AGMO: variants seen among roughly 807,000 people sequenced by gnomAD.
The protein encoded by AGMO is alkylglycerol monooxygenase.
In AGMO, 75 loss-of-function variants were observed where a neutral mutation model predicts 60.2. The ratio of observed to expected loss-of-function variants is 1.25; its 90% CI spans 1.03 to 1.51. The LOEUF (loss-of-function observed/expected upper bound fraction) is 1.51. Among genes scored for constraint, AGMO ranks in the 40% most tolerant of loss-of-function variants. AGMO has a pLI of 0.00. For synonymous variants in AGMO, 261 were observed against 177.1 expected (o/e 1.47, Z -3.76); for missense variants, 763 against 525.5 (o/e 1.45, Z -4.42).
At chr7:15,183,489 AACCGCATCCTC>A in the AGMO span, among the ~76,000 whole-genome samples, 1 of 152,228 alleles carries the variant, frequency 6.6e-6, no homozygotes, top group African/African-American at 2.4e-5. Flanking sequence ...CAATATTATC[AACCGCATCCTC>A]ACTTAAACAG....
intron 3 of AGMO, among the ~76,000 whole-genome samples, chr7:15,541,845 AC>A (rs1218883174): frequency 6.6e-6 from 1 of 152,172 alleles, no homozygotes; most frequent in Non-Finnish European, 1.5e-5. Flanking sequence ...TTTCTTCAAA[AC>A]TCACAGCATT....
intron 2 of AGMO, among the ~76,000 whole-genome samples, chr7:15,547,269 T>A (rs933123364): frequency 5.9e-5 from 9 of 152,260 alleles, no homozygotes; most frequent in Non-Finnish European, 1.0e-4. Flanking sequence ...GTTGATAACC[T>A]CTGCCTTGAA....
chr7:15,262,277 CAA>C lies in AGMO; in HGVS notation c.1264-60920_1264-60919del, dbSNP rs1254189858. On this transcript the variant is annotated intron_variant, in intron 12 of 12. Transcript: ENST00000342526. ...TCCTAGAACTGGTAACTGAATTCAG[CAA>C]AGTTTCAGGAAACAAAATTAATGTA... Among the ~76,000 whole-genome samples the C allele has an allele frequency of 4.6e-5, 7 of 152,110 alleles. 1 individual carries two copies. The South Asian group carries it at 1.0e-3, about 23-fold the overall frequency.
chr7:15,294,750 T>C (rs1784365302), intron 12 of AGMO, among the ~76,000 whole-genome samples: 1 of 151,942 alleles, frequency 6.6e-6, no homozygotes. Flanking sequence ...TAAAATATTC[T>C]AAAGTGTATC....
the AGMO span, among the ~76,000 whole-genome samples, chr7:15,156,210 G>C: frequency 1.3e-5 from 2 of 152,200 alleles, no homozygotes; most frequent in East Asian, 3.9e-4. Flanking sequence ...GGCTGTTGGT[G>C]AGTATGCACT....
intron 12 of AGMO, among the ~76,000 whole-genome samples, chr7:15,315,547 A>T (rs1452372397): frequency 6.6e-6 from 1 of 152,008 alleles, no homozygotes; most frequent in African/African-American, 2.4e-5. Flanking sequence ...CATGTTGGTC[A>T]GGATGGTCTC....
chr7:15,147,590 A>T, the AGMO span, among the ~76,000 whole-genome samples: 4 of 152,052 alleles, frequency 2.6e-5, no homozygotes, highest in Non-Finnish European at 5.9e-5. Context: ...ACACAGCCAA[A>T]CCATACCATA....
the AGMO span, among the ~76,000 whole-genome samples, chr7:15,171,570 G>A: frequency 6.6e-6 from 1 of 152,106 alleles, no homozygotes; most frequent in Non-Finnish European, 1.5e-5. Flanking sequence ...CTGCATGGGG[G>A]AATTTTCTAC....
At chr7:15,183,711 T>G in the AGMO span, among the ~76,000 whole-genome samples, 6 of 152,340 alleles carry the variant, frequency 3.9e-5, no homozygotes, top group African/African-American at 1.4e-4. Context: ...ATTCAATGAG[T>G]TAAGACACAT....
At chr7:15,333,682 GACAAA>G (rs1781567311) in intron 12 of AGMO, among the ~76,000 whole-genome samples, 2 of 150,960 alleles carry the variant, frequency 1.3e-5, no homozygotes, top group South Asian at 2.1e-4. Flanking sequence ...TAAATAACAT[GACAAA>G]ACAAAACCAC....
chr7:15,357,586 A>C (rs1360175082), intron 12 of AGMO, among the ~76,000 whole-genome samples: 1 of 152,216 alleles, frequency 6.6e-6, no homozygotes, highest in African/African-American at 2.4e-5. Context: ...AGAAATATAT[A>C]GAGTCTCTGA....
intron 3 of AGMO, among the ~76,000 whole-genome samples, chr7:15,466,161 G>C (rs1782279752): frequency 6.6e-6 from 1 of 152,174 alleles, no homozygotes. Flanking sequence ...AGTGATGGCA[G>C]TGATAATAGT....
intron 3 of AGMO, among the ~76,000 whole-genome samples, chr7:15,463,618 C>G (rs1232686398): frequency 6.6e-6 from 1 of 152,114 alleles, no homozygotes; most frequent in Non-Finnish European, 1.5e-5. Flanking sequence ...ATAGGGTCCC[C>G]TTCCTCAAGA....
At chr7:15,351,176 C>T (rs1015415414) in intron 12 of AGMO, among the ~76,000 whole-genome samples, 3 of 151,998 alleles carry the variant, frequency 2.0e-5, no homozygotes, top group Non-Finnish European at 4.4e-5. Flanking sequence ...CTAAACAATT[C>T]ATGGGCAAAT....
At chr7:15,457,749 A>G (rs1782035030) in intron 3 of AGMO, among the ~76,000 whole-genome samples, 2 of 152,174 alleles carry the variant, frequency 1.3e-5, no homozygotes, top group Non-Finnish European at 2.9e-5. Flanking sequence ...CTGGCATGAA[A>G]GCTAAATTTT....
At chr7:15,264,355 A>G (rs1006454950) in intron 12 of AGMO, among the ~76,000 whole-genome samples, 2 of 152,032 alleles carry the variant, frequency 1.3e-5, no homozygotes, top group African/African-American at 4.8e-5. Flanking sequence ...TATCTGCAAT[A>G]AAACCAAAGT....
intron 3 of AGMO, among the ~76,000 whole-genome samples, chr7:15,501,474 T>C (rs1783384049): frequency 6.6e-6 from 1 of 151,904 alleles, no homozygotes; most frequent in South Asian, 2.1e-4. Flanking sequence ...TATTTGGAAA[T>C]TTTTATTAAA....
chr7:15,382,553 TAAC>T, intron 10 of AGMO, among the ~76,000 whole-genome samples: 1 of 152,262 alleles, frequency 6.6e-6, no homozygotes, highest in South Asian at 2.1e-4. Flanking sequence ...GAAATAAAAT[TAAC>T]AAGATGCTGT....
rs1010440838 is a variant in AGMO, at chr7:15,538,720, C to T, written c.409+6052G>A. Among the ~76,000 whole-genome samples the T allele has an allele frequency of 9.2e-5, 14 of 152,144 alleles. 1 individual carries two copies. The highest frequency in any genetic ancestry group is 3.4e-4 in the African/African-American group (14 of 41,412). ...TTAAAATAATTTCTCAGCAATACGT[C>T]TGTTTATTTTCTTTTTTAAACTGTG... On this transcript the variant is annotated intron_variant, in intron 3 of 12. Coordinates refer to ENST00000342526, the MANE Select transcript of AGMO (RefSeq NM_001004320.2).
Sources: gnomAD v4.1 joint callset for allele counts (sites outside exome capture counted in the v4.1 genomes callset) on GRCh38, gnomAD v4.1.1 for gene constraint, MANE v1.5 for transcripts, NCBI Gene and HGNC (gene_info 2026-07-23, HGNC 2026-07-21) for gene names.